The following EXOC3L2 variants were observed in gnomAD, a reference collection of about 807,000 sequenced individuals.
The protein encoded by EXOC3L2 is exocyst complex component 3-like protein 2.
Under a neutral mutation model 44.4 loss-of-function variants are expected in EXOC3L2, and 17 were observed. The observed-to-expected ratio is 0.38, with a 90% confidence interval of 0.26 to 0.57. EXOC3L2 has a LOEUF of 0.57. EXOC3L2 is among the 20% of genes least tolerant of loss of function. The probability of loss-of-function intolerance (pLI) is 0.65; values close to 1 mark genes in which losing one functional copy is unlikely to be tolerated. For missense variants in EXOC3L2, 541 were observed against 588.4 expected (o/e 0.92, Z 0.83); for synonymous variants, 256 against 253.7 (o/e 1.01, Z -0.09).
At chr19:45,218,158 T>TGC in intron 9 of EXOC3L2, 39 bp downstream of exon 9, 30 of 1,034,896 alleles carry the variant, frequency 2.9e-5, no homozygotes, top group Non-Finnish European at 3.9e-5. Context: ...TCCCCTCTTT[T>TGC]CCCCCACCCC....
At chr19:45,218,993 C>G (rs1346247297) in intron 8 of EXOC3L2, among the ~76,000 whole-genome samples, 1 of 152,058 alleles carries the variant, frequency 6.6e-6, no homozygotes, top group Non-Finnish European at 1.5e-5. Context: ...AATCCTAGCA[C>G]TTTGGAAGGC....
chr19:45,218,188 C>T lies in EXOC3L2; in HGVS notation c.1842+9G>A. On this transcript the variant is annotated intron_variant, in intron 9 of 11. Transcript: ENST00000413988. ...CACCCCCACCTCCCCTCCCCTCAGG[C>T]AGGTGCACCTGGTAAGGCTCGTCCT... 2.0e-6 allele frequency: 3 copies of T among 1,463,724 alleles called. No homozygotes were observed. The highest frequency in any genetic ancestry group is 2.7e-6 in the Non-Finnish European group (3 of 1,094,752). The allele number at this position is 1,463,724 out of a possible 1,614,324, so 90.7% of individuals were successfully genotyped here. A position where few individuals can be genotyped will look rare whatever the true frequency, so the allele number is the denominator to read the frequency against.
At position 45,212,589 on chromosome 19, in the gene EXOC3L2, TC is replaced by T. The variant is rs976427215; in HGVS notation, c.*479del. 9 of 144,414 alleles carry T rather than the reference TC, an allele frequency of 6.2e-5. No individual in the cohort carries two copies. The highest frequency in any genetic ancestry group is 2.4e-4 in the African/African-American group (9 of 38,232). 8.9% of individuals were successfully genotyped at this position (144,414 alleles called of 1,614,324 possible). On this transcript the variant is annotated 3_prime_UTR_variant, in exon 12 of 12. Transcript: ENST00000413988. ...ATGCTTTGTCTCTTTGGCCTCTGTT[TC>T]CCCCTACCTTTTTTTTTTTTTTTTT...
rs1568478188 is a variant in EXOC3L2 at position 45,213,082 on chromosome 19, CGAGGTCGCGCTAGAGACG to C, written c.2378_2395del (p.Pro793_Pro798del). 6.7e-7 allele frequency: 1 copy of C among 1,503,634 alleles called. No individual in the cohort carries two copies. The highest frequency in any genetic ancestry group is 8.8e-7 in the Non-Finnish European group (1 of 1,131,522). The allele number at this position is 1,503,634 out of a possible 1,614,324, so 93.1% of individuals were successfully genotyped here. On this transcript the variant is annotated inframe_deletion, in exon 12 of 12. Transcript: ENST00000413988. ...GTTGGGTGACCCTCAGCGCTGGGCC[CGAGGTCGCGCTAGAGACG>C]GAGGCCGGGGCCGAGGCAGACAGGC...
At chr19:45,243,812 T>C (rs1970148901) in intron 1 of EXOC3L2, among the ~76,000 whole-genome samples, 1 of 152,048 alleles carries the variant, frequency 6.6e-6, no homozygotes, top group African/African-American at 2.4e-5. Context: ...GTATTTTTAG[T>C]ACAGATGGGG....
chr19:45,240,144 A>C (rs1599769330), intron 1 of EXOC3L2, among the ~76,000 whole-genome samples: 1 of 140,540 alleles, frequency 7.1e-6, no homozygotes, highest in South Asian at 2.2e-4. Flanking sequence ...TCACCCTGTC[A>C]CCCAGGCTGG....
intron 9 of EXOC3L2, 133 bp from the exon 10 acceptor site, chr19:45,217,816 C>G: frequency 4.6e-6 from 5 of 1,089,948 alleles, no homozygotes; most frequent in Non-Finnish European, 6.2e-6. Context: ...TTCCCGTGCC[C>G]ACGCCCCAGT....
At chr19:45,215,461 AC>A (rs1305380718) in intron 11 of EXOC3L2, among the ~76,000 whole-genome samples, 1 of 151,698 alleles carries the variant, frequency 6.6e-6, no homozygotes, top group Non-Finnish European at 1.5e-5. Context: ...ACAGAGTGAG[AC>A]CCTGTCTCAA....
chr19:45,231,777 C>A lies in EXOC3L2; in HGVS notation c.1255G>T (p.Val419Phe), dbSNP rs778097506. ...GTTCCAGGTACCTTAACATCTGTGA[C>A]GCATTCATCCTCCAAACCCCGCAGG... ...GTLRGLEDEC[V>F]TDVKAQTRAA... Residue 419 changes from valine (V) to phenylalanine (F), a missense_variant, in exon 4 of 12, where the codon GTC (valine) becomes TTC (phenylalanine). Coordinates refer to ENST00000413988, the MANE Select transcript of EXOC3L2 (RefSeq NM_001382422.1). The A allele has an allele frequency of 3.1e-6, 5 of 1,609,592 alleles. No homozygotes were observed. Among genetic ancestry groups the A allele is most frequent in the Non-Finnish European group, 4.2e-6 (5 of 1,176,474 alleles).
intron 8 of EXOC3L2, among the ~76,000 whole-genome samples, chr19:45,222,971 A>G (rs1599762401): frequency 6.6e-6 from 1 of 152,302 alleles, no homozygotes; most frequent in East Asian, 1.9e-4. Flanking sequence ...TAAGATAGCA[A>G]GCTGGGTGTG....
chr19:45,217,698 G>T lies in EXOC3L2; in HGVS notation c.1843-15C>A. On this transcript the variant is annotated splice_polypyrimidine_tract_variant and intron_variant, in intron 9 of 11. Transcript: ENST00000413988. Reference sequence around the variant, plus strand: ...GCTACCAGCGCCTGGAGGCGGAGGAGGGAAACCCGAGGGGTGTGAGCCATG... The same window carrying T: ...GCTACCAGCGCCTGGAGGCGGAGGATGGAAACCCGAGGGGTGTGAGCCATG... The T allele has an allele frequency of 7.2e-7, 1 of 1,398,552 alleles. No individual in the cohort carries two copies. Among genetic ancestry groups the T allele is most frequent in the Non-Finnish European group, 9.2e-7 (1 of 1,084,784 alleles). The allele number at this position is 1,398,552 out of a possible 1,614,324, so 86.6% of individuals were successfully genotyped here. A position where few individuals can be genotyped will look rare whatever the true frequency, so the allele number is the denominator to read the frequency against.
Position 45,231,604 on chromosome 19 carries a change from C to A in EXOC3L2, c.1269+159G>T, listed in dbSNP as rs187447862. 2.6e-5 allele frequency among the ~76,000 whole-genome samples: 4 copies of A among 152,158 alleles called. No homozygotes were observed. In the South Asian group the frequency reaches 8.3e-4, roughly 32 times the overall value. On this transcript the variant is annotated intron_variant, in intron 4 of 11. Transcript: ENST00000413988. ...ACCTTTACCAAGTGTCTCTGTACAGCGGCCTTTGTGTCTATGGCACATGGA... is the reference window on the plus strand; with the variant it reads ...ACCTTTACCAAGTGTCTCTGTACAGAGGCCTTTGTGTCTATGGCACATGGA...
intron 3 of EXOC3L2, among the ~76,000 whole-genome samples, chr19:45,232,787 C>G (rs1460303151): frequency 6.6e-6 from 1 of 152,142 alleles, no homozygotes; most frequent in East Asian, 1.9e-4. Flanking sequence ...CACTCAAGTC[C>G]TAAAACTGGC....
chr19:45,243,922 T>C (rs1970149488), intron 1 of EXOC3L2, among the ~76,000 whole-genome samples: 1 of 148,204 alleles, frequency 6.7e-6, no homozygotes, highest in Non-Finnish European at 1.5e-5. Flanking sequence ...GCCACCGCAC[T>C]CTGTCCTTCT....
chr19:45,229,619 G>A (rs1002406780), intron 4 of EXOC3L2, among the ~76,000 whole-genome samples: 13 of 149,446 alleles, frequency 8.7e-5, no homozygotes, highest in African/African-American at 3.2e-4. Flanking sequence ...GCCAAGATGG[G>A]CAGATCACCT....
intron 3 of EXOC3L2, 97 bp from the exon 4 acceptor site, chr19:45,231,971 T>C: frequency 1.5e-6 from 1 of 660,228 alleles, no homozygotes; most frequent in Non-Finnish European, 2.4e-6. Context: ...TCTGTGACCC[T>C]GGGCCACTCC....
chr19:45,223,686 G>A (rs1969923186), intron 8 of EXOC3L2, among the ~76,000 whole-genome samples: 1 of 150,704 alleles, frequency 6.6e-6, no homozygotes, highest in Non-Finnish European at 1.5e-5. Flanking sequence ...GTCGCACTGA[G>A]GTGACATTTG....
rs1290860530 is a variant in EXOC3L2 at position 45,216,121 on chromosome 19, C to G, written c.2072G>C (p.Ser691Thr). 1 of 1,613,988 alleles carries G rather than the reference C, an allele frequency of 6.2e-7. No homozygotes were observed. The highest frequency in any genetic ancestry group is 1.7e-5 in the Admixed American group (1 of 60,002). Residue 691 changes from serine to threonine, a missense_variant, in exon 11 of 12, where the codon AGC becomes ACC. Physicochemically the swap from Ser to Thr is moderately conservative, Grantham distance 58 (BLOSUM62 1). Transcript: ENST00000413988. ...CAACACTCCCACCTCCACCTGGATGCTGGGCGTGTCTTCCAGCTGCATGAC... is the reference window on the plus strand; with the variant it reads ...CAACACTCCCACCTCCACCTGGATGGTGGGCGTGTCTTCCAGCTGCATGAC... Reference protein sequence around the residue: ...AEVMQLEDTPSIQVEVGVLVR... With the variant: ...AEVMQLEDTPTIQVEVGVLVR...
Position 45,234,859 on chromosome 19 carries a change from CG to C in EXOC3L2, c.524-34del, listed in dbSNP as rs964115855. 9.9e-5 allele frequency: 37 copies of C among 374,490 alleles called. No homozygotes were observed. Among genetic ancestry groups the C allele is most frequent in the African/African-American group, 4.0e-4 (19 of 47,062 alleles). The allele number at this position is 374,490 out of a possible 1,614,324, so 23.2% of individuals were successfully genotyped here. On this transcript the variant is annotated intron_variant, in intron 2 of 11. Transcript: ENST00000413988. The surrounding 1 kb of genome is among the most constrained non-coding windows in gnomAD (Gnocchi z 5.0). ...AGCAAAGCGGGAGGTCAGCAGTGCG[CG>C]GGGGGGAGGAGGGCGATGCCGGACG...
Sources: allele counts gnomAD v4.1 joint callset (sites outside exome capture counted in the v4.1 genomes callset), GRCh38; gene constraint gnomAD v4.1.1; non-coding constraint Gnocchi (gnomAD v3.1); transcripts MANE v1.5; gene names NCBI Gene and HGNC (gene_info 2026-07-23, HGNC 2026-07-21).